The following PLCB1 variants were observed in gnomAD, a reference collection of about 807,000 sequenced individuals.
PLCB1 encodes phospholipase C beta 1.
In PLCB1, 46 loss-of-function variants were observed where a neutral mutation model predicts 161.8. The ratio of observed to expected loss-of-function variants is 0.28; its 90% CI spans 0.22 to 0.36. The LOEUF (loss-of-function observed/expected upper bound fraction) is 0.36, where lower values mean the gene tolerates loss of function less well. Among genes scored for constraint, PLCB1 ranks in the 10% least tolerant of loss-of-function variants. The pLI is 1.00. For synonymous variants in PLCB1, 517 were observed against 503.7 expected (o/e 1.03, Z -0.35); for missense variants, 1,016 against 1,472.5 (o/e 0.69, Z 5.07).
At chr20:8,555,359 A>T (rs952762482) in intron 3 of PLCB1, among the ~76,000 whole-genome samples, 4 of 152,030 alleles carry the variant, frequency 2.6e-5, no homozygotes, top group African/African-American at 7.2e-5. Flanking sequence ...AAAAGTAGAT[A>T]CACACTCTCC....
At chr20:8,601,271 G>C (rs1987578852) in intron 3 of PLCB1, among the ~76,000 whole-genome samples, 1 of 152,128 alleles carries the variant, frequency 6.6e-6, no homozygotes. Flanking sequence ...TTGTTACATA[G>C]GTAAACTTGT....
chr20:8,699,189 T>G (rs1215697543), intron 11 of PLCB1, among the ~76,000 whole-genome samples: 1 of 152,228 alleles, frequency 6.6e-6, no homozygotes, highest in Non-Finnish European at 1.5e-5. Flanking sequence ...GCATAAGCCC[T>G]GTTGCCTGGG....
intron 3 of PLCB1, among the ~76,000 whole-genome samples, chr20:8,595,883 G>T: frequency 8.1e-6 from 1 of 122,756 alleles, no homozygotes; most frequent in Non-Finnish European, 1.8e-5. Flanking sequence ...GTGTTTTTTG[G>T]CTGCATAAAT....
At chr20:8,807,430 C>T (rs6077425) in intron 31 of PLCB1, among the ~76,000 whole-genome samples, 13,851 of 151,884 alleles carry the variant, frequency 0.091, 864 homozygotes, top group East Asian at 0.18. Flanking sequence ...GTTCTTGTCA[C>T]GGAAAAAATG....
At chr20:8,159,073 G>A (rs2051594055) in intron 2 of PLCB1, among the ~76,000 whole-genome samples, 1 of 152,138 alleles carries the variant, frequency 6.6e-6, no homozygotes, top group Non-Finnish European at 1.5e-5. Context: ...GGGACTGGGG[G>A]CTCCAACCCC....
At chr20:8,342,323 C>T (rs936290646) in intron 2 of PLCB1, among the ~76,000 whole-genome samples, 1 of 152,182 alleles carries the variant, frequency 6.6e-6, no homozygotes, top group Non-Finnish European at 1.5e-5. Flanking sequence ...CATTAGTTTA[C>T]TCATTAATGA....
At chr20:8,699,731 C>T (rs776101552) in intron 11 of PLCB1, among the ~76,000 whole-genome samples, 3 of 152,194 alleles carry the variant, frequency 2.0e-5, no homozygotes, top group Non-Finnish European at 4.4e-5. Context: ...ATGTTTTCAG[C>T]AGTAATATCA....
chr20:8,252,981 A>T (rs1448716352), intron 2 of PLCB1, among the ~76,000 whole-genome samples: 1 of 151,904 alleles, frequency 6.6e-6, no homozygotes, highest in Non-Finnish European at 1.5e-5. Context: ...AGAAATTCTT[A>T]ATAATGCCCA....
intron 2 of PLCB1, among the ~76,000 whole-genome samples, chr20:8,214,315 G>A (rs1205623984): frequency 2.0e-5 from 3 of 152,032 alleles, no homozygotes; most frequent in African/African-American, 4.8e-5. Flanking sequence ...ATGGTTTAGC[G>A]CCATCCTCTT....
At chr20:8,432,959 A>G (rs1053032315) in intron 3 of PLCB1, among the ~76,000 whole-genome samples, 2 of 152,192 alleles carry the variant, frequency 1.3e-5, no homozygotes, top group Admixed American at 6.5e-5. Flanking sequence ...TGCTATCTGC[A>G]GGTTTCTTGA....
At chr20:8,382,290 T>C (rs1358563664) in intron 3 of PLCB1, among the ~76,000 whole-genome samples, 2 of 149,260 alleles carry the variant, frequency 1.3e-5, no homozygotes, top group African/African-American at 4.9e-5. Context: ...TTTCTTTTTT[T>C]TTTTTTTTTT....
intron 31 of PLCB1, among the ~76,000 whole-genome samples, chr20:8,810,254 G>C (rs985199714): frequency 3.9e-5 from 6 of 151,998 alleles, no homozygotes; most frequent in East Asian, 1.9e-4. Context: ...AAAATTCAAG[G>C]CTCCGGAAGT....
intron 4 of PLCB1, among the ~76,000 whole-genome samples, chr20:8,644,244 G>C (rs545986266): frequency 0.047 from 7,193 of 151,962 alleles, 204 homozygotes; most frequent in South Asian, 0.11. Context: ...GAGCGTCTCT[G>C]CCTGGCCGCC....
At chr20:8,567,450 A>C (rs1488028385) in intron 3 of PLCB1, among the ~76,000 whole-genome samples, 1 of 152,122 alleles carries the variant, frequency 6.6e-6, no homozygotes, top group African/African-American at 2.4e-5. Flanking sequence ...ATGCCTGGGA[A>C]CATGATGTTC....
intron 2 of PLCB1, among the ~76,000 whole-genome samples, chr20:8,308,499 C>T (rs1984237836): frequency 1.3e-5 from 2 of 151,738 alleles, no homozygotes; most frequent in South Asian, 4.2e-4. Flanking sequence ...TGCCTGTAAT[C>T]CCAGCTACTC....
Position 8,199,027 on chromosome 20 carries a change from A to AT in PLCB1, c.177+48664dup, listed in dbSNP as rs57688488. Among the ~76,000 whole-genome samples the AT allele has an allele frequency of 7.3e-3, 1,103 of 151,714 alleles. 13 individuals carry two copies. Among genetic ancestry groups the AT allele is most frequent in the African/African-American group, 0.025 (1,031 of 41,364 alleles). On this transcript the variant is annotated intron_variant, in intron 2 of 31. Transcript: ENST00000338037. ...ATCTTAATTTGCGGGAACATTAAAA[A>AT]TTTTTTTTCTATGTGGCTATACATA...
intron 3 of PLCB1, among the ~76,000 whole-genome samples, chr20:8,549,201 A>T (rs867963753): frequency 6.6e-6 from 1 of 152,144 alleles, no homozygotes; most frequent in African/African-American, 2.4e-5. Flanking sequence ...ATAAATAAAT[A>T]TATATTTTTT....
chr20:8,860,854 TTCAA>T lies in PLCB1; in HGVS notation c.3424-20764_3424-20761del, dbSNP rs911123120. Among the ~76,000 whole-genome samples the T allele has an allele frequency of 1.8e-4, 28 of 152,342 alleles. No individual in the cohort carries two copies. In the South Asian group the frequency reaches 3.1e-3, roughly 17 times the overall value. ...TAGTTTTGATTTGAAACTAAGTAAT[TTCAA>T]TCAGTTTTTTGACTTTCAACTCAGT... On this transcript the variant is annotated intron_variant, in intron 31 of 31. Coordinates refer to ENST00000338037, the MANE Select transcript of PLCB1 (RefSeq NM_015192.4).
intron 2 of PLCB1, among the ~76,000 whole-genome samples, chr20:8,336,420 G>T (rs1453125464): frequency 6.6e-6 from 1 of 152,126 alleles, no homozygotes; most frequent in African/African-American, 2.4e-5. Context: ...GAGTATCTAG[G>T]ATTCTCAGTG....
Sources: gnomAD v4.1 joint callset for allele counts (sites outside exome capture counted in the v4.1 genomes callset) on GRCh38, gnomAD v4.1.1 for gene constraint, MANE v1.5 for transcripts, NCBI Gene and HGNC (gene_info 2026-07-23, HGNC 2026-07-21) for gene names.